The following GSTA2 variants were observed in gnomAD, a reference collection of about 807,000 sequenced individuals.
The protein encoded by GSTA2 is glutathione S-transferase A2.
A neutral mutation model predicts 22.4 loss-of-function variants in GSTA2; 27 were observed. The ratio of observed to expected loss-of-function variants is 1.21; its 90% CI spans 0.89 to 1.67. The LOEUF (loss-of-function observed/expected upper bound fraction) is 1.67. GSTA2 is among the 40% of genes most tolerant of loss of function. GSTA2 has a pLI of 0.00. For synonymous variants in GSTA2, 121 were observed against 86.8 expected (o/e 1.39, Z -2.19); for missense variants, 302 against 260.2 (o/e 1.16, Z -1.11).
chr6:52,752,500 A>G (rs1762762549), intron 5 of GSTA2, among the ~76,000 whole-genome samples: 1 of 152,148 alleles, frequency 6.6e-6, no homozygotes, highest in Non-Finnish European at 1.5e-5. Flanking sequence ...GATCACTTTC[A>G]TCATGCCCCT....
At position 52,759,569 on chromosome 6, in the gene GSTA2, T is replaced by TTTTG. The variant is rs1561897379; in HGVS notation, c.-30-1593_-30-1592insCAAA. On this transcript the variant is annotated intron_variant, in intron 1 of 6. Coordinates refer to ENST00000493422, the MANE Select transcript of GSTA2 (RefSeq NM_000846.5). The stretch of plus-strand genomic sequence containing the variant: ...ACAACTAATGTATTTATTTGTTTTT[T>TTTTG]TTTTTTTTTTTTTTTTTTTTTTTTT... 1.8e-3 allele frequency among the ~76,000 whole-genome samples: 79 copies of TTTTG among 44,176 alleles called. 5 individuals carry two copies. The highest frequency in any genetic ancestry group is 5.2e-3 in the African/African-American group (52 of 9,958). 29.0% of individuals were successfully genotyped at this position (44,176 alleles called of 152,430 possible). A position where few individuals can be genotyped will look rare whatever the true frequency, so the allele number is the denominator to read the frequency against.
intron 4 of GSTA2, among the ~76,000 whole-genome samples, chr6:52,754,572 A>T (rs1012145627): frequency 2.0e-5 from 3 of 152,106 alleles, no homozygotes; most frequent in African/African-American, 7.2e-5. Context: ...CCAGTCCTTC[A>T]TCTACAGACT....
chr6:52,754,583 C>G (rs1314473739), intron 4 of GSTA2, among the ~76,000 whole-genome samples: 3 of 152,196 alleles, frequency 2.0e-5, no homozygotes, highest in African/African-American at 7.2e-5. Context: ...TCTACAGACT[C>G]TCACATATTC....
chr6:52,752,078 G>C lies in GSTA2; in HGVS notation c.415-370C>G, dbSNP rs144619777. On this transcript the variant is annotated intron_variant, in intron 5 of 6. Transcript: ENST00000493422. ...TCAGGATGTGGCTCTACATTCTGCT[G>C]TCTCCCGCTCCAATCTCCCTTGGGC... Among the ~76,000 whole-genome samples the C allele has an allele frequency of 2.7e-3, 414 of 152,242 alleles. 2 individuals are homozygous for C. The highest frequency in any genetic ancestry group is 9.3e-3 in the African/African-American group (386 of 41,554).
chr6:52,758,030 A>T, intron 1 of GSTA2, 53 bp from the exon 2 acceptor site: 1 of 1,094,710 alleles, frequency 9.1e-7, no homozygotes, highest in Non-Finnish European at 1.4e-6. Context: ...AGAATCAAAA[A>T]TGTACTTTAG....
chr6:52,757,493 A>G (rs1762865567), intron 2 of GSTA2, among the ~76,000 whole-genome samples: 1 of 151,870 alleles, frequency 6.6e-6, no homozygotes, highest in South Asian at 2.1e-4. Flanking sequence ...AAAGACAGCC[A>G]TAGTACATTA....
chr6:52,750,968 C>A (rs1284136513), intron 6 of GSTA2, among the ~76,000 whole-genome samples: 1 of 152,222 alleles, frequency 6.6e-6, no homozygotes, highest in African/African-American at 2.4e-5. Context: ...AGATTAGTGA[C>A]TCTTGTATAA....
At chr6:52,753,111 G>A (rs6935419) in intron 4 of GSTA2, 116 bp from the exon 5 acceptor site, 3 of 947,932 alleles carry the variant, frequency 3.2e-6, no homozygotes, top group South Asian at 1.7e-5. Context: ...CCTCCAATGA[G>A]TGCCTTTTAT....
At chr6:52,752,755 T>A (rs2127285428) in intron 5 of GSTA2, 99 bp downstream of exon 5, 1 of 1,443,968 alleles carries the variant, frequency 6.9e-7, no homozygotes, top group East Asian at 2.3e-5. Flanking sequence ...CCAGGAAGTA[T>A]CACTGAAAGT....
At chr6:52,761,710 C>A (rs531621484) in intron 1 of GSTA2, among the ~76,000 whole-genome samples, 1 of 150,466 alleles carries the variant, frequency 6.6e-6, no homozygotes, top group Non-Finnish European at 1.5e-5. Flanking sequence ...TGGTTCTCAA[C>A]CAGGGGGATT....
intron 1 of GSTA2, among the ~76,000 whole-genome samples, chr6:52,760,483 G>A (rs1383580024): frequency 2.0e-5 from 3 of 152,106 alleles, no homozygotes; most frequent in African/African-American, 7.2e-5. Context: ...TCTAGGGAGT[G>A]TGTTTACCTT....
intron 4 of GSTA2, among the ~76,000 whole-genome samples, chr6:52,754,101 C>T (rs1762796606): frequency 6.6e-6 from 1 of 152,198 alleles, no homozygotes; most frequent in Admixed American, 6.5e-5. Flanking sequence ...GGCTAAGGCG[C>T]ATTTTTCTCC....
intron 1 of GSTA2, among the ~76,000 whole-genome samples, chr6:52,760,604 C>T (rs1762935386): frequency 6.6e-6 from 1 of 152,178 alleles, no homozygotes; most frequent in Admixed American, 6.5e-5. Context: ...AGTGTTGGGT[C>T]AGCCTGAACT....
chr6:52,757,824 G>A (rs375054470), intron 2 of GSTA2, 37 bp downstream of exon 2: 45 of 1,548,374 alleles, frequency 2.9e-5, no homozygotes, highest in African/African-American at 8.2e-5. Context: ...TAACGCAATC[G>A]TAAATCTGAC....
At position 52,758,008 on chromosome 6, in the gene GSTA2, A is replaced by G. The variant is rs138220898; in HGVS notation, c.-30-31T>C. ...TGAATGAATGAATGAATGAATGAAT[A>G]ATTGAAACGATAGAATCAAAAATGT... On this transcript the variant is annotated intron_variant, in intron 1 of 6. Transcript: ENST00000493422. 4,922 of 1,242,868 alleles carry G rather than the reference A, an allele frequency of 4.0e-3. 145 individuals are homozygous for G. In the African/African-American group the frequency reaches 0.062, roughly 16 times the overall value. The allele number at this position is 1,242,868 out of a possible 1,614,324, so 77.0% of individuals were successfully genotyped here. A position where few individuals can be genotyped will look rare whatever the true frequency, so the allele number is the denominator to read the frequency against.
intron 2 of GSTA2, among the ~76,000 whole-genome samples, chr6:52,756,749 C>T (rs963919757): frequency 6.6e-6 from 1 of 152,248 alleles, no homozygotes. Context: ...GGAGCCTCTG[C>T]TGTAATTTGT....
At chr6:52,756,433 C>G (rs1762847521) in intron 2 of GSTA2, 124 bp from the exon 3 acceptor site, 1 of 755,746 alleles carries the variant, frequency 1.3e-6, no homozygotes, top group Non-Finnish European at 2.2e-6. Context: ...GCAGGGTACA[C>G]AGAGGGGGCT....
intron 1 of GSTA2, among the ~76,000 whole-genome samples, chr6:52,759,585 T>G (rs1268695863): frequency 0.016 from 2,058 of 125,158 alleles, 132 homozygotes; most frequent in African/African-American, 0.062. Flanking sequence ...TTTTTTTTTT[T>G]TTTTTTTTTT....
At chr6:52,750,762 A>T in intron 6 of GSTA2, 63 bp from the exon 7 acceptor site, 1 of 1,589,890 alleles carries the variant, frequency 6.3e-7, no homozygotes, top group South Asian at 1.1e-5. Context: ...CCCCATTAAC[A>T]TGACCCAGGG....
Sources: allele counts gnomAD v4.1 joint callset (sites outside exome capture counted in the v4.1 genomes callset), GRCh38; gene constraint gnomAD v4.1.1; transcripts MANE v1.5; gene names NCBI Gene and HGNC (gene_info 2026-07-23, HGNC 2026-07-21).